Variants in STK32B observed in about 807,000 individuals in gnomAD.
The protein encoded by STK32B is serine/threonine-protein kinase 32B.
Under a neutral mutation model 52.6 loss-of-function variants are expected in STK32B, and 43 were observed. The observed-to-expected ratio is 0.82, with a 90% CI of 0.64 to 1.05. The LOEUF is 1.05. Among genes scored for constraint, STK32B ranks in the 50% least tolerant of loss-of-function variants. STK32B has a pLI of 0.00. For synonymous variants in STK32B, 238 were observed against 204.3 expected (o/e 1.17, Z -1.41); for missense variants, 621 against 534.6 (o/e 1.16, Z -1.59).
intron 4 of STK32B, among the ~76,000 whole-genome samples, chr4:5,344,808 C>T (rs920683718): frequency 3.3e-5 from 5 of 151,970 alleles, no homozygotes; most frequent in African/African-American, 9.6e-5. Context: ...AAAGACACTT[C>T]GCATTTCTCA....
intron 4 of STK32B, among the ~76,000 whole-genome samples, chr4:5,372,723 G>C (rs112509438): frequency 1.5e-4 from 22 of 150,226 alleles, no homozygotes; most frequent in South Asian, 4.3e-4. Flanking sequence ...AGAAAGTTGG[G>C]GGGGGGGGCG....
chr4:5,381,582 T>C (rs149605874), intron 4 of STK32B, among the ~76,000 whole-genome samples: 52 of 152,322 alleles, frequency 3.4e-4, no homozygotes, highest in African/African-American at 1.2e-3. Context: ...GCCATCTTTG[T>C]CCCTCCACCA....
In STK32B at chr4:5,378,249, G is replaced by A. The variant is rs115755770; in HGVS notation, c.435-19958G>A. Among the ~76,000 whole-genome samples the A allele has an allele frequency of 3.6e-3, 549 of 152,304 alleles. 3 individuals carry two copies. Among genetic ancestry groups the A allele is most frequent in the African/African-American group, 0.013 (523 of 41,558 alleles). ...CAGACGTTAGAGGGGAGGGAAGACA[G>A]GCAAGGAGGGAACTGATGAGCGGGG... On this transcript the variant is annotated intron_variant, in intron 4 of 11. Transcript: ENST00000282908. This position sits in a 1 kb window ranked among gnomAD's most constrained non-coding sequence, Gnocchi z 4.4.
chr4:5,126,261 G>T (rs561284913), intron 1 of STK32B, among the ~76,000 whole-genome samples: 1 of 152,282 alleles, frequency 6.6e-6, no homozygotes, highest in South Asian at 2.1e-4. Context: ...TAGTCCTTGT[G>T]CCCTTTATCT....
intron 3 of STK32B, among the ~76,000 whole-genome samples, chr4:5,328,091 C>T (rs1027095364): frequency 9.9e-5 from 15 of 152,190 alleles, no homozygotes; most frequent in Non-Finnish European, 2.2e-4. Context: ...CCTCACCTCT[C>T]TCAGCATTCA....
chr4:5,320,658 C>T (rs1366425423), intron 3 of STK32B, among the ~76,000 whole-genome samples: 4 of 152,110 alleles, frequency 2.6e-5, no homozygotes, highest in African/African-American at 9.7e-5. Flanking sequence ...CAGGGATGTG[C>T]GTCTTAGACA....
At chr4:5,348,101 C>A (rs1047555503) in intron 4 of STK32B, among the ~76,000 whole-genome samples, 1 of 152,084 alleles carries the variant, frequency 6.6e-6, no homozygotes, top group Non-Finnish European at 1.5e-5. Flanking sequence ...GCAGGACAAC[C>A]CATTTGGCTG....
intron 2 of STK32B, among the ~76,000 whole-genome samples, chr4:5,165,741 C>T (rs769526483): frequency 6.6e-6 from 1 of 152,186 alleles, no homozygotes; most frequent in Non-Finnish European, 1.5e-5. Flanking sequence ...TACGTTTGCA[C>T]GTCATACCTT....
At chr4:5,023,839 G>C in the STK32B span, among the ~76,000 whole-genome samples, 3 of 152,144 alleles carry the variant, frequency 2.0e-5, no homozygotes, top group Non-Finnish European at 2.9e-5. Context: ...CACAAACCCT[G>C]CTGTGTGTCC....
At position 5,335,990 on chromosome 4, in the gene STK32B, A is replaced by C. The variant is rs528118742; in HGVS notation, c.434+4597A>C. ...ACCTCTTTCCCAACTCTGCAGAGCCAGGTGGTTGCCCCCTTCCTTACCCGA... is the reference window on the plus strand; with the variant it reads ...ACCTCTTTCCCAACTCTGCAGAGCCCGGTGGTTGCCCCCTTCCTTACCCGA... On this transcript the variant is annotated intron_variant, in intron 4 of 11. Coordinates refer to ENST00000282908, the MANE Select transcript of STK32B (RefSeq NM_018401.3). Among the ~76,000 whole-genome samples, 10 of 151,676 alleles carry C rather than the reference A, an allele frequency of 6.6e-5. No homozygotes were observed. The South Asian group carries it at 2.1e-3, about 32-fold the overall frequency.
At chr4:5,388,694 G>T (rs1560373953) in intron 4 of STK32B, among the ~76,000 whole-genome samples, 1 of 152,148 alleles carries the variant, frequency 6.6e-6, no homozygotes, top group Admixed American at 6.5e-5. Flanking sequence ...GAGATGGGTG[G>T]GTCTGTGTTG....
chr4:5,036,240 G>A, the STK32B span, among the ~76,000 whole-genome samples: 20 of 152,270 alleles, frequency 1.3e-4, no homozygotes, highest in Admixed American at 9.8e-4. Context: ...CAGTGTGCAC[G>A]GGGACTATGC....
chr4:5,027,669 C>A, the STK32B span, among the ~76,000 whole-genome samples: 1 of 152,148 alleles, frequency 6.6e-6, no homozygotes, highest in African/African-American at 2.4e-5. Flanking sequence ...CAACCCTGTT[C>A]CATAATCCCA....
intron 6 of STK32B, among the ~76,000 whole-genome samples, chr4:5,418,888 G>C (rs1712394951): frequency 6.6e-6 from 1 of 152,232 alleles, no homozygotes; most frequent in Admixed American, 6.5e-5. Context: ...AGGAGGCTTA[G>C]TTTGGACATG....
In STK32B at chr4:5,367,365, G is replaced by A. The variant is rs117980969; in HGVS notation, c.435-30842G>A. Among the ~76,000 whole-genome samples, 180 of 152,294 alleles carry A rather than the reference G, an allele frequency of 1.2e-3. 1 individual carries two copies. Among genetic ancestry groups the A allele is most frequent in the African/African-American group, 3.8e-3 (156 of 41,556 alleles). On this transcript the variant is annotated intron_variant, in intron 4 of 11. Coordinates refer to ENST00000282908, the MANE Select transcript of STK32B (RefSeq NM_018401.3). Reference sequence around the variant, plus strand: ...ACTGGAGCAAAAGGGTGAACGTGACGGGGATGGTGGGTGGACTCTGCATCA... The same window carrying A: ...ACTGGAGCAAAAGGGTGAACGTGACAGGGATGGTGGGTGGACTCTGCATCA...
intron 5 of STK32B, among the ~76,000 whole-genome samples, chr4:5,411,945 A>G (rs1711724040): frequency 6.6e-6 from 1 of 152,218 alleles, no homozygotes; most frequent in Admixed American, 6.5e-5. Flanking sequence ...CGCAAAAACT[A>G]GAGTAGAAAA....
chr4:5,037,660 C>T, the STK32B span, among the ~76,000 whole-genome samples: 1 of 152,086 alleles, frequency 6.6e-6, no homozygotes, highest in African/African-American at 2.4e-5. Flanking sequence ...CAAAGCAAAC[C>T]CTCTTTCCCG....
At chr4:5,438,753 T>C (rs1011693296) in intron 6 of STK32B, among the ~76,000 whole-genome samples, 2 of 152,144 alleles carry the variant, frequency 1.3e-5, no homozygotes, top group African/African-American at 4.8e-5. Context: ...CCCTCCTCCC[T>C]CCCCACACCC....
intron 1 of STK32B, among the ~76,000 whole-genome samples, chr4:5,092,454 C>T (rs1258183185): frequency 1.3e-5 from 2 of 151,590 alleles, no homozygotes; most frequent in Non-Finnish European, 1.5e-5. Context: ...ATGGTGTGAA[C>T]TCGGGAGGCG....
Sources: gnomAD v4.1 joint callset for allele counts (sites outside exome capture counted in the v4.1 genomes callset) on GRCh38, gnomAD v4.1.1 for gene constraint, Gnocchi (gnomAD v3.1) non-coding constraint, MANE v1.5 for transcripts, NCBI Gene and HGNC (gene_info 2026-07-23, HGNC 2026-07-21) for gene names.